CENPP: variants seen among roughly 807,000 people sequenced by gnomAD.
CENPP encodes the protein centromere protein P.
CENPP carries 24 observed loss-of-function variants against 35.6 expected under a neutral mutation model. The observed-to-expected ratio is 0.67, with a 90% confidence interval of 0.49 to 0.95. The LOEUF is 0.95. Among genes scored for constraint, CENPP ranks in the 40% least tolerant of loss-of-function variants. The probability of loss-of-function intolerance (pLI) is 0.00; values close to 1 mark genes in which losing one functional copy is unlikely to be tolerated. For synonymous variants in CENPP, 120 were observed against 125.5 expected (o/e 0.96, Z 0.29); for missense variants, 332 against 345.3 (o/e 0.96, Z 0.31).
At chr9:92,513,492 A>G (rs1302717542) in intron 5 of CENPP, among the ~76,000 whole-genome samples, 1 of 152,234 alleles carries the variant, frequency 6.6e-6, no homozygotes, top group Non-Finnish European at 1.5e-5. Context: ...AAACATCTGT[A>G]CGTGGATATT....
chr9:92,410,543 C>T (rs993657740), intron 5 of CENPP, among the ~76,000 whole-genome samples: 3 of 152,170 alleles, frequency 2.0e-5, no homozygotes, highest in Non-Finnish European at 4.4e-5. Context: ...TGAAAAGCTG[C>T]AGTGTCCAAT....
intron 5 of CENPP, among the ~76,000 whole-genome samples, chr9:92,607,315 T>C (rs1282765200): frequency 2.0e-5 from 3 of 152,182 alleles, no homozygotes; most frequent in Non-Finnish European, 2.9e-5. Flanking sequence ...CATCTCTCAA[T>C]AGACCAGAGT....
At chr9:92,443,511 A>T (rs572098160) in intron 5 of CENPP, among the ~76,000 whole-genome samples, 1 of 152,182 alleles carries the variant, frequency 6.6e-6, no homozygotes, top group Non-Finnish European at 1.5e-5. Context: ...ATGATCCGAG[A>T]TTCACTGCAA....
At chr9:92,483,305 T>C (rs966335707) in intron 5 of CENPP, among the ~76,000 whole-genome samples, 6 of 151,852 alleles carry the variant, frequency 4.0e-5, no homozygotes, top group African/African-American at 9.7e-5. Flanking sequence ...CTTGGCTTAC[T>C]GCAAGCTCTG....
intron 5 of CENPP, among the ~76,000 whole-genome samples, chr9:92,567,451 A>G (rs1850024873): frequency 6.8e-6 from 1 of 146,746 alleles, no homozygotes. Flanking sequence ...CATCATCTCA[A>G]ACATTTATCA....
intron 2 of CENPP, among the ~76,000 whole-genome samples, chr9:92,337,214 A>C (rs1840958078): frequency 6.6e-6 from 1 of 152,102 alleles, no homozygotes; most frequent in African/African-American, 2.4e-5. Flanking sequence ...GCTACTCGGG[A>C]GGCTGAGGCA....
intron 5 of CENPP, among the ~76,000 whole-genome samples, chr9:92,401,575 A>C (rs1048678120): frequency 6.6e-6 from 1 of 152,178 alleles, no homozygotes; most frequent in African/African-American, 2.4e-5. Context: ...TTTCTCATTC[A>C]GATTCTACCA....
At chr9:92,330,755 C>A (rs1045161909) in intron 1 of CENPP, among the ~76,000 whole-genome samples, 1 of 136,336 alleles carries the variant, frequency 7.3e-6, no homozygotes, top group South Asian at 2.3e-4. Context: ...GTGGCGTGAT[C>A]TTGGCTCACT....
In CENPP at chr9:92,486,038, C is replaced by G. The variant is rs181841372; in HGVS notation, c.564+106179C>G. On this transcript the variant is annotated intron_variant, in intron 5 of 7. Coordinates refer to ENST00000375587, the MANE Select transcript of CENPP (RefSeq NM_001012267.3). ...TTATAGTAGTAGCTACAAGAAAGGC[C>G]GTCCACCAATCCATTCATTCAACAA... is the stretch of plus-strand genomic sequence containing the variant. 4.4e-3 allele frequency among the ~76,000 whole-genome samples: 667 copies of G among 152,198 alleles called. 10 individuals carry two copies. The highest frequency in any genetic ancestry group is 7.0e-3 in the East Asian group (36 of 5,176).
At chr9:92,552,215 A>ACCCC (rs1554686449) in intron 5 of CENPP, among the ~76,000 whole-genome samples, 2 of 146,808 alleles carry the variant, frequency 1.4e-5, no homozygotes, top group African/African-American at 5.1e-5. Context: ...ACACACACAC[A>ACCCC]CCCCACAGTT....
At chr9:92,503,473 C>A (rs981553795) in intron 5 of CENPP, among the ~76,000 whole-genome samples, 5 of 152,146 alleles carry the variant, frequency 3.3e-5, no homozygotes, top group Non-Finnish European at 7.4e-5. Flanking sequence ...TTTAGATTTG[C>A]TTTTGTTATA....
chr9:92,594,334 A>G (rs1193714348), intron 5 of CENPP, among the ~76,000 whole-genome samples: 1 of 152,166 alleles, frequency 6.6e-6, no homozygotes, highest in Admixed American at 6.5e-5. Flanking sequence ...CACCTTGAGT[A>G]GGTGGCCCCG....
In CENPP at chr9:92,512,177, TAC is replaced by T. The variant is rs537279656; in HGVS notation, c.565-99131_565-99130del. 1.4e-4 allele frequency: 173 copies of T among 1,248,726 alleles called. 2 individuals carry two copies. The South Asian group carries it at 2.1e-3, about 15-fold the overall frequency. 77.4% of individuals were successfully genotyped at this position (1,248,726 alleles called of 1,614,324 possible). A position where few individuals can be genotyped will look rare whatever the true frequency, so the allele number is the denominator to read the frequency against. On this transcript the variant is annotated intron_variant, in intron 5 of 7. Coordinates refer to ENST00000375587, the MANE Select transcript of CENPP (RefSeq NM_001012267.3). The stretch of plus-strand genomic sequence containing the variant: ...AGGCATGTGTGCATATACATACATG[TAC>T]ACACATGTATGGGCATGTGTGCATA...
chr9:92,404,531 T>G, intron 5 of CENPP: 2 of 1,298,718 alleles, frequency 1.5e-6, no homozygotes, highest in Non-Finnish European at 2.0e-6. Context: ...GTGGTTTTCC[T>G]CAATAGATGT....
At chr9:92,363,960 C>T (rs1382432315) in intron 4 of CENPP, among the ~76,000 whole-genome samples, 3 of 151,968 alleles carry the variant, frequency 2.0e-5, no homozygotes, top group Non-Finnish European at 2.9e-5. Context: ...GTGGTCCTCC[C>T]ACCTCAGCCT....
intron 5 of CENPP, among the ~76,000 whole-genome samples, chr9:92,394,614 C>CT (rs1474181230): frequency 4.6e-5 from 7 of 150,818 alleles, no homozygotes; most frequent in African/African-American, 4.9e-5. Context: ...AATTTTTTTT[C>CT]TTTTTTTTGA....
chr9:92,390,587 T>TGTGCGCGC (rs749697394), intron 5 of CENPP, among the ~76,000 whole-genome samples: 3 of 141,814 alleles, frequency 2.1e-5, no homozygotes, highest in Non-Finnish European at 4.7e-5. Flanking sequence ...TGTGTGTGTG[T>TGTGCGCGC]GCGCGCGCGC....
At chr9:92,551,271 G>C (rs1849581357) in intron 5 of CENPP, among the ~76,000 whole-genome samples, 1 of 152,116 alleles carries the variant, frequency 6.6e-6, no homozygotes, top group Non-Finnish European at 1.5e-5. Context: ...ATATAGTACT[G>C]TTATATAGTA....
chr9:92,548,790 A>T (rs1849526630), intron 5 of CENPP, among the ~76,000 whole-genome samples: 1 of 152,192 alleles, frequency 6.6e-6, no homozygotes, highest in African/African-American at 2.4e-5. Flanking sequence ...TGTTGCAAAG[A>T]TAACATTTGT....
Sources: allele counts gnomAD v4.1 joint callset (sites outside exome capture counted in the v4.1 genomes callset), GRCh38; gene constraint gnomAD v4.1.1; transcripts MANE v1.5; gene names NCBI Gene and HGNC (gene_info 2026-07-23, HGNC 2026-07-21).